MTMR3: variants seen among roughly 807,000 people sequenced by gnomAD.
MTMR3 encodes myotubularin related protein 3.
A neutral mutation model predicts 132.4 loss-of-function variants in MTMR3; 32 were observed. The ratio of observed to expected loss-of-function variants is 0.24; its 90% CI spans 0.18 to 0.32. The LOEUF (loss-of-function observed/expected upper bound fraction) is 0.32. Ranked by LOEUF, MTMR3 falls within the 10% of genes least tolerant of loss-of-function variation. MTMR3 has a pLI of 1.00. For synonymous variants in MTMR3, 556 were observed against 550.3 expected, an observed-to-expected ratio of 1.01 and a Z score of -0.14; for missense variants, 1,216 against 1,489.6, an observed-to-expected ratio of 0.82 and a Z score of 3.02.
intron 5 of MTMR3, chr22:29,988,053 C>G (rs2066891617): frequency 6.5e-6 from 1 of 152,906 alleles, no homozygotes; most frequent in African/African-American, 2.4e-5. Flanking sequence ...AAACAATAGT[C>G]TCCCACTGGC....
chr22:29,961,909 C>CA (rs2066319816), intron 2 of MTMR3, among the ~76,000 whole-genome samples: 1 of 152,186 alleles, frequency 6.6e-6, no homozygotes, highest in African/African-American at 2.4e-5. Context: ...GTTACAGTTA[C>CA]CTACAGTATT....
Position 29,898,089 on chromosome 22 carries a change from C to T in MTMR3, c.-138+14730C>T, listed in dbSNP as rs138646686. ...CTCCCAGGTTCAAGTGATTCTCGAG[C>T]CTCAGCCTCTCGAGTAGCTGGGATT... On this transcript the variant is annotated intron_variant, in intron 1 of 19. Transcript: ENST00000401950. Among the ~76,000 whole-genome samples the T allele has an allele frequency of 1.7e-4, 26 of 152,174 alleles. No individual in the cohort carries two copies. In the East Asian group the frequency reaches 5.0e-3, roughly 29 times the overall value.
chr22:30,021,076 G>A (rs1439109127), intron 17 of MTMR3, 192 bp downstream of exon 17: 6 of 627,982 alleles, frequency 9.6e-6, no homozygotes, highest in South Asian at 2.0e-5. Context: ...TTTCTGCTTC[G>A]CTTACTTTCT....
intron 14 of MTMR3, chr22:30,016,182 C>T (rs2067585838): frequency 4.7e-6 from 1 of 213,910 alleles, no homozygotes; most frequent in Non-Finnish European, 9.4e-6. Context: ...AGTAGTTTTA[C>T]AAACATACTG....
chr22:29,907,170 G>T (rs1198129051), intron 1 of MTMR3, among the ~76,000 whole-genome samples: 1 of 151,906 alleles, frequency 6.6e-6, no homozygotes, highest in Non-Finnish European at 1.5e-5. Flanking sequence ...GGAGGCCAAG[G>T]CGGGTGGATC....
intron 9 of MTMR3, chr22:30,006,883 A>G (rs2067283859): frequency 2.0e-6 from 1 of 490,738 alleles, no homozygotes; most frequent in Non-Finnish European, 3.7e-6. Context: ...TTTTTGGGTA[A>G]CTTTACAGGG....
rs767613387 is a variant in MTMR3 at position 29,967,146 on chromosome 22, T to C, written c.-84-3830T>C. ...TACTGTAACTTTTTTGCAGCGTTTA[T>C]TTTTATCTTATGAAGAGTTTGATTA... On this transcript the variant is annotated intron_variant, in intron 2 of 19. Coordinates refer to ENST00000401950, the MANE Select transcript of MTMR3 (RefSeq NM_021090.4). 5.3e-4 allele frequency among the ~76,000 whole-genome samples: 80 copies of C among 151,894 alleles called. 1 individual carries two copies. The highest frequency in any genetic ancestry group is 9.6e-4 in the Non-Finnish European group (65 of 67,918).
intron 8 of MTMR3, chr22:30,000,601 G>A (rs1204996956): frequency 1.3e-5 from 2 of 152,140 alleles, no homozygotes; most frequent in Non-Finnish European, 2.9e-5. Context: ...AGCCGTCAGA[G>A]TTTTCACTGG....
chr22:29,901,944 T>C (rs2145727497), intron 1 of MTMR3, among the ~76,000 whole-genome samples: 1 of 152,364 alleles, frequency 6.6e-6, no homozygotes. Flanking sequence ...AACTTGTGTG[T>C]TCATTCCCCA....
chr22:29,921,143 G>A (rs894073693), intron 1 of MTMR3, among the ~76,000 whole-genome samples: 6 of 152,106 alleles, frequency 3.9e-5, no homozygotes, highest in Non-Finnish European at 1.5e-5. Flanking sequence ...TCTGCAGGCT[G>A]TACAAGAAGC....
At chr22:29,951,540 A>G (rs112136644) in intron 1 of MTMR3, among the ~76,000 whole-genome samples, 4 of 152,332 alleles carry the variant, frequency 2.6e-5, no homozygotes, top group African/African-American at 7.2e-5. Flanking sequence ...TTGTCTAAAA[A>G]TGTTAGTGTG....
At chr22:29,902,560 G>T (rs1748867522) in intron 1 of MTMR3, among the ~76,000 whole-genome samples, 1 of 151,836 alleles carries the variant, frequency 6.6e-6, no homozygotes, top group South Asian at 2.1e-4. Context: ...GTAGAGATGG[G>T]GTTTCACGAT....
At chr22:29,963,206 C>G (rs980958679) in intron 2 of MTMR3, among the ~76,000 whole-genome samples, 1 of 152,080 alleles carries the variant, frequency 6.6e-6, no homozygotes, top group African/African-American at 2.4e-5. Flanking sequence ...CTGGACTTCC[C>G]AAAGTGCTGG....
chr22:29,945,712 G>GAAAAAAAAAAAAAAAAAAAAAA (rs1238843477), intron 1 of MTMR3, among the ~76,000 whole-genome samples: 3 of 78,104 alleles, frequency 3.8e-5, no homozygotes, highest in African/African-American at 1.9e-4. Flanking sequence ...TCTTTAAAAT[G>GAAAAAAAAAAAAAAAAAAAAAA]AAAAAGAAAA....
chr22:29,963,959 C>T (rs1821618053), intron 2 of MTMR3, among the ~76,000 whole-genome samples: 1 of 151,980 alleles, frequency 6.6e-6, no homozygotes, highest in Admixed American at 6.6e-5. Context: ...TTTACATGGA[C>T]ATGTTTTTGT....
intron 8 of MTMR3, chr22:30,000,077 G>T (rs994624251): frequency 2.6e-5 from 4 of 152,120 alleles, no homozygotes; most frequent in East Asian, 1.9e-4. Flanking sequence ...GTGCGTTGGT[G>T]GGGGAGGACA....
rs992121997 is a variant in MTMR3, at chr22:30,030,397, A to G, written c.*4596A>G. ...ATGAGGCTCAGATGCTGTTGAAGAA[A>G]TAAATGGTATGTTGCTGCTGACAGT... On this transcript the variant is annotated 3_prime_UTR_variant, in exon 20 of 20. Coordinates refer to ENST00000401950, the MANE Select transcript of MTMR3 (RefSeq NM_021090.4). 2 of 152,164 alleles carry G rather than the reference A, an allele frequency of 1.3e-5. No homozygotes were observed. The highest frequency in any genetic ancestry group is 6.6e-5 in the Admixed American group (1 of 15,252). The allele number at this position is 152,164 out of a possible 1,614,324, so 9.4% of individuals were successfully genotyped here. A position where few individuals can be genotyped will look rare whatever the true frequency, so the allele number is the denominator to read the frequency against.
intron 1 of MTMR3, among the ~76,000 whole-genome samples, chr22:29,954,255 AATTTT>A (rs992526196): frequency 3.3e-5 from 5 of 151,220 alleles, no homozygotes; most frequent in African/African-American, 1.2e-4. Flanking sequence ...CTAATTAAAA[AATTTT>A]ATTTTATTTT....
Position 29,954,465 on chromosome 22 carries a change from C to G in MTMR3, c.-137-2571C>G, listed in dbSNP as rs1602556387. ...ATTTGCTCGCAATGTTTCACAATGA[C>G]ACACTGTTTCTAACCAAGCAGATGT... is the stretch of plus-strand genomic sequence containing the variant. On this transcript the variant is annotated intron_variant, in intron 1 of 19. Coordinates refer to ENST00000401950, the MANE Select transcript of MTMR3 (RefSeq NM_021090.4). 4.6e-5 allele frequency among the ~76,000 whole-genome samples: 7 copies of G among 152,146 alleles called. No individual in the cohort carries two copies. In the South Asian group the frequency reaches 1.2e-3, roughly 27 times the overall value.
Sources: allele counts gnomAD v4.1 joint callset (sites outside exome capture counted in the v4.1 genomes callset), GRCh38; gene constraint gnomAD v4.1.1; transcripts MANE v1.5; gene names NCBI Gene and HGNC (gene_info 2026-07-23, HGNC 2026-07-21).